The following SIK3 variants were observed in gnomAD, a reference collection of about 807,000 sequenced individuals.
SIK3 encodes the protein SIK family kinase 3.
A neutral mutation model predicts 144.2 loss-of-function variants in SIK3; 28 were observed. The ratio of observed to expected loss-of-function variants is 0.19; its 90% CI spans 0.14 to 0.27. The LOEUF (loss-of-function observed/expected upper bound fraction) is 0.27, where lower values mean the gene tolerates loss of function less well. SIK3 is among the 10% of genes least tolerant of loss of function. SIK3 has a pLI of 1.00. For missense variants in SIK3, 1,319 were observed against 1,776.0 expected (o/e 0.74, Z 4.62); for synonymous variants, 686 against 676.3 (o/e 1.01, Z -0.22).
intron 4 of SIK3, 54 bp downstream of exon 4, chr11:116,927,165 A>T: frequency 1.5e-6 from 2 of 1,346,090 alleles, no homozygotes; most frequent in Admixed American, 2.1e-5. Context: ...TGCTTATAGA[A>T]CCCCAAGGAA....
At chr11:116,995,426 G>A (rs1357867570) in intron 1 of SIK3, among the ~76,000 whole-genome samples, 1 of 151,820 alleles carries the variant, frequency 6.6e-6, no homozygotes. Context: ...ATCACACCCA[G>A]CTAATTTTTG....
intron 1 of SIK3, among the ~76,000 whole-genome samples, chr11:116,962,236 G>A (rs538096285): frequency 4.6e-5 from 7 of 152,238 alleles, no homozygotes; most frequent in Non-Finnish European, 7.4e-5. Context: ...CAGATAGTAC[G>A]GATTCAGGGA....
chr11:117,039,301 T>C (rs1163479370), intron 1 of SIK3, among the ~76,000 whole-genome samples: 1 of 152,228 alleles, frequency 6.6e-6, no homozygotes, highest in African/African-American at 2.4e-5. Context: ...ATTGTGTTTG[T>C]TTGTAGAGGT....
Position 116,857,994 on chromosome 11 carries a change from T to C in SIK3, c.3471A>G (p.Gln1157=). 1 of 1,614,174 alleles carries C rather than the reference T, an allele frequency of 6.2e-7. No homozygotes were observed. The highest frequency in any genetic ancestry group is 8.5e-7 in the Non-Finnish European group (1 of 1,180,010). The part of the protein sequence containing the change: ...CSCEGAKDGF[Q]DSKSSSTLTK... The stretch of plus-strand genomic sequence containing the variant: ...TCAATGTACTTGAACTCTTACTGTC[T>C]TGGAAGCCATCCTTGGCCCCCTCAC... Residue 1157 remains glutamine, a synonymous_variant, in exon 21 of 25, where the codon CAA becomes CAG. Transcript: ENST00000445177.
In SIK3 at chr11:116,865,500, G is replaced by A. The variant is rs375861861; in HGVS notation, c.1953-1682C>T. Reference sequence around the variant, plus strand: ...TTATTTGCAATCACACTCAAATTCAGGATGGCCTCGCATTAGGCTGATACT... The same window carrying A: ...TTATTTGCAATCACACTCAAATTCAAGATGGCCTCGCATTAGGCTGATACT... On this transcript the variant is annotated intron_variant, in intron 15 of 24. Transcript: ENST00000445177. Among the ~76,000 whole-genome samples, 3 of 152,260 alleles carry A rather than the reference G, an allele frequency of 2.0e-5. No individual in the cohort carries two copies. In the South Asian group the frequency reaches 6.2e-4, roughly 32 times the overall value.
intron 1 of SIK3, among the ~76,000 whole-genome samples, chr11:117,074,374 A>C (rs761884682): frequency 5.3e-5 from 8 of 152,138 alleles, no homozygotes; most frequent in Non-Finnish European, 1.0e-4. Flanking sequence ...ATTTTGGGTA[A>C]AGTAGACAGA....
chr11:116,966,962 A>T (rs1344025171), intron 1 of SIK3, among the ~76,000 whole-genome samples: 6 of 145,788 alleles, frequency 4.1e-5, no homozygotes, highest in Non-Finnish European at 9.0e-5. Flanking sequence ...TCAAGATCAC[A>T]CCACTGCACT....
At chr11:116,896,638 C>T (rs1945415413) in intron 5 of SIK3, among the ~76,000 whole-genome samples, 1 of 152,212 alleles carries the variant, frequency 6.6e-6, no homozygotes, top group African/African-American at 2.4e-5. Context: ...GCAACGGCCC[C>T]CATCCAAGCT....
chr11:116,918,194 T>C (rs186065965), intron 4 of SIK3, among the ~76,000 whole-genome samples: 2 of 152,320 alleles, frequency 1.3e-5, no homozygotes, highest in African/African-American at 2.4e-5. Flanking sequence ...GCACTTCACA[T>C]ACTTATTGAT....
chr11:116,931,782 T>C (rs1947616420), intron 3 of SIK3, among the ~76,000 whole-genome samples: 1 of 152,200 alleles, frequency 6.6e-6, no homozygotes, highest in Non-Finnish European at 1.5e-5. Flanking sequence ...AAACAAACGC[T>C]TCTTTCCAAA....
chr11:116,851,793 T>G (rs1942472879), intron 21 of SIK3, among the ~76,000 whole-genome samples: 1 of 152,264 alleles, frequency 6.6e-6, no homozygotes, highest in Admixed American at 6.5e-5. Flanking sequence ...ACTGCTCGCA[T>G]GTTGGCGCCA....
chr11:116,927,420 A>G (rs1334445274), intron 3 of SIK3, 40 bp from the exon 4 acceptor site: 2 of 1,593,300 alleles, frequency 1.3e-6, no homozygotes, highest in African/African-American at 1.3e-5. Flanking sequence ...CATTTTGGAC[A>G]CTTGTGTAAT....
intron 1 of SIK3, among the ~76,000 whole-genome samples, chr11:117,050,713 T>A (rs960776379): frequency 6.6e-6 from 1 of 151,900 alleles, no homozygotes; most frequent in African/African-American, 2.4e-5. Flanking sequence ...AATAAATAAA[T>A]AAACAGATAA....
At chr11:116,880,501 C>A (rs1219869413) in intron 6 of SIK3, among the ~76,000 whole-genome samples, 1 of 152,148 alleles carries the variant, frequency 6.6e-6, no homozygotes, top group African/African-American at 2.4e-5. Context: ...TACATAATAT[C>A]GAACGTGCCA....
At chr11:116,848,672 T>C (rs1019273474) in intron 22 of SIK3, among the ~76,000 whole-genome samples, 14 of 152,222 alleles carry the variant, frequency 9.2e-5, no homozygotes, top group Non-Finnish European at 1.6e-4. Flanking sequence ...ATTTGGAGCA[T>C]AGATTCTACT....
chr11:116,859,191 TCTCA>T (rs1223500061), intron 20 of SIK3, 70 bp downstream of exon 20: 3 of 1,383,622 alleles, frequency 2.2e-6, no homozygotes, highest in Non-Finnish European at 3.0e-6. Flanking sequence ...CCTCCTTTTC[TCTCA>T]CTCTGCTAAG....
intron 22 of SIK3, among the ~76,000 whole-genome samples, 200 bp downstream of exon 22, chr11:116,848,920 G>A (rs1490600022): frequency 3.3e-5 from 5 of 152,138 alleles, no homozygotes; most frequent in African/African-American, 4.8e-5. Context: ...CTGATATCGC[G>A]CCACTGTCCT....
At chr11:116,910,632 A>C (rs1434568362) in intron 4 of SIK3, among the ~76,000 whole-genome samples, 2 of 152,172 alleles carry the variant, frequency 1.3e-5, no homozygotes, top group Admixed American at 6.5e-5. Context: ...GGAAAGAGAA[A>C]GGGACAAGGC....
intron 1 of SIK3, among the ~76,000 whole-genome samples, chr11:116,984,050 CAA>C (rs35403684): frequency 2.5e-4 from 20 of 80,872 alleles, no homozygotes; most frequent in Middle Eastern, 6.0e-3. Context: ...GACCCTGACT[CAA>C]AAAAAAAAAA....
Sources: allele counts gnomAD v4.1 joint callset (sites outside exome capture counted in the v4.1 genomes callset), GRCh38; gene constraint gnomAD v4.1.1; transcripts MANE v1.5; gene names NCBI Gene and HGNC (gene_info 2026-07-23, HGNC 2026-07-21).